KIRREL2: variants seen among roughly 807,000 people sequenced by gnomAD.
KIRREL2 encodes the protein kirre like nephrin family adhesion molecule 2.
Under a neutral mutation model 73.4 loss-of-function variants are expected in KIRREL2, and 56 were observed. The ratio of observed to expected loss-of-function variants is 0.76; its 90% CI spans 0.62 to 0.95. The LOEUF (loss-of-function observed/expected upper bound fraction) is 0.95. Among genes scored for constraint, KIRREL2 ranks in the 40% least tolerant of loss-of-function variants. The probability of loss-of-function intolerance (pLI) is 0.00; values close to 1 mark genes in which losing one functional copy is unlikely to be tolerated. For synonymous variants in KIRREL2, 407 were observed against 404.0 expected, an observed-to-expected ratio of 1.01 and a Z score of -0.09; for missense variants, 896 against 935.0, an observed-to-expected ratio of 0.96 and a Z score of 0.54.
Position 35,861,890 on chromosome 19 carries a change from G to A in KIRREL2, c.1376G>A (p.Gly459Glu). The change falls in exon 11 of 15, where the codon GGG becomes GAG. Residue 459 changes from glycine (G) to glutamate (E), a missense_variant. Gly to Glu is a moderately conservative substitution (Grantham distance 98). Coordinates refer to ENST00000360202, the MANE Select transcript of KIRREL2 (RefSeq NM_199180.4). ...VETFPAPESR[G>E]GLGPGLISVL... is the part of the protein sequence containing the mutation. ...ACATTCCCTGCCCCAGAGAGCCGCG[G>A]GGGACTGGGTCCGGGCCTGATCTCT... The A allele has an allele frequency of 1.2e-6, 2 of 1,602,688 alleles. No individual in the cohort carries two copies. Among genetic ancestry groups the A allele is most frequent in the Non-Finnish European group, 1.7e-6 (2 of 1,175,068 alleles).
In KIRREL2 at chr19:35,860,367, C is replaced by G; in HGVS notation, c.744C>G (p.Cys248Trp). Residue 248 changes from cysteine (C) to tryptophan (W), a missense_variant, in exon 6 of 15, where the codon TGC becomes TGG. Physicochemically the swap from Cys to Trp is radical, Grantham distance 215. Coordinates refer to ENST00000360202, the MANE Select transcript of KIRREL2 (RefSeq NM_199180.4). ...VQEGEKVIFLCQATAQPPVTG... is the reference protein window; with the variant it reads ...VQEGEKVIFLWQATAQPPVTG... ...AGGGAGAGAAGGTCATTTTCCTGTG[C>G]CAGGCCACAGCCCAGCCTCCTGTCA... 3.1e-6 allele frequency: 5 copies of G among 1,613,796 alleles called. No homozygotes were observed. The highest frequency in any genetic ancestry group is 4.2e-6 in the Non-Finnish European group (5 of 1,179,996).
chr19:35,861,231 C>T lies in KIRREL2; in HGVS notation c.1166C>T (p.Ala389Val). ...CTATCGGGCCTGCGGGGCGGCGCCG[C>T]GGAGGCTCGGCTGACTGTGAACGGT... ...AGLSGLRGGA[A>V]EARLTVNAPP... Residue 389 changes from alanine (A) to valine (V), a missense_variant, in exon 9 of 15, where the codon GCG becomes GTG. Coordinates refer to ENST00000360202, the MANE Select transcript of KIRREL2 (RefSeq NM_199180.4). 2 of 1,533,622 alleles carry T rather than the reference C, an allele frequency of 1.3e-6. No homozygotes were observed. Among genetic ancestry groups the T allele is most frequent in the Non-Finnish European group, 1.7e-6 (2 of 1,149,772 alleles).
At chr19:35,856,833 C>T, upstream of KIRREL2, 2 of 508,962 alleles carry the variant, frequency 3.9e-6, no homozygotes, top group Non-Finnish European at 7.0e-6. This position sits in a 1 kb window ranked among gnomAD's most constrained non-coding sequence, Gnocchi z 5.9. Context: ...GCGGGAGTTT[C>T]TCAACGGGAA....
At chr19:35,865,808 T>C (rs1973940597) in intron 14 of KIRREL2, among the ~76,000 whole-genome samples, 1 of 152,210 alleles carries the variant, frequency 6.6e-6, no homozygotes, top group African/African-American at 2.4e-5. Flanking sequence ...GTGACATGCC[T>C]TGTAGCAGCA....
intron 9 of KIRREL2, 100 bp from the exon 10 acceptor site, chr19:35,861,441 A>G (rs773792325): frequency 1.4e-4 from 209 of 1,462,000 alleles, no homozygotes; most frequent in Non-Finnish European, 1.9e-4. Context: ...GGCCTGATTG[A>G]TTGAGGTTAG....
Position 35,861,112 on chromosome 19 carries a change from C to T in KIRREL2, c.1057-10C>T, listed in dbSNP as rs760754937. The T allele has an allele frequency of 6.2e-6, 10 of 1,607,220 alleles. No homozygotes were observed. The highest frequency in any genetic ancestry group is 6.8e-6 in the Non-Finnish European group (8 of 1,177,616). On this transcript the variant is annotated splice_polypyrimidine_tract_variant and intron_variant, in intron 8 of 14. Coordinates refer to ENST00000360202, the MANE Select transcript of KIRREL2 (RefSeq NM_199180.4). ...CAAATCCGGCTTCTGACGCCCCTTC[C>T]CTGTCGCAGGTGCTGGGCTCTGGAG...
chr19:35,859,143 G>T (rs1973556142), intron 4 of KIRREL2, among the ~76,000 whole-genome samples: 1 of 152,192 alleles, frequency 6.6e-6, no homozygotes, highest in Non-Finnish European at 1.5e-5. Context: ...TAGCATGCAT[G>T]TCATAGGGTA....
Position 35,858,820 on chromosome 19 carries a change from T to C in KIRREL2, c.478T>C (p.Trp160Arg). 6.2e-7 allele frequency: 1 copy of C among 1,614,168 alleles called. No homozygotes were observed. The highest frequency in any genetic ancestry group is 8.5e-7 in the Non-Finnish European group (1 of 1,180,032). The part of the protein sequence containing the change: ...GDARPTPELL[W>R]FRDGVLLDGA... Reference sequence around the variant, plus strand: ...TGCCCGCCCTACCCCTGAATTGCTGTGGTTCCGAGATGGGGTCCTGTTGGA... The same window carrying C: ...TGCCCGCCCTACCCCTGAATTGCTGCGGTTCCGAGATGGGGTCCTGTTGGA... The change falls in exon 4 of 15, where the codon TGG becomes CGG. Residue 160 changes from tryptophan to arginine, a missense_variant. Trp to Arg is a moderately radical substitution (Grantham distance 101). Transcript: ENST00000360202.
upstream of KIRREL2, chr19:35,855,772 G>C (rs1973402920): frequency 6.6e-6 from 1 of 152,430 alleles, no homozygotes; most frequent in African/African-American, 2.4e-5. Context: ...CCTGTGTGGG[G>C]GTGGGGAGAG....
chr19:35,862,820 C>A, intron 12 of KIRREL2, 107 bp from the exon 13 acceptor site: 1 of 748,246 alleles, frequency 1.3e-6, no homozygotes, highest in Non-Finnish European at 2.3e-6. Flanking sequence ...TCCAACAGCC[C>A]TACCCAATCA....
Position 35,860,513 on chromosome 19 carries a change from CCTCAGGTGGGCAAAAGGGGG to C in KIRREL2, c.780-2_797del, listed in dbSNP as rs775741549. The C allele has an allele frequency of 6.2e-7, 1 of 1,602,890 alleles. No individual in the cohort carries two copies. The highest frequency in any genetic ancestry group is 8.5e-7 in the Non-Finnish European group (1 of 1,179,766). ...GACAACGTTAACAGCGCCACCATTTCCTCAGGTGGGCAAAAGGGGGCTCTCCGGTGCTCGGGGCCCGCGGG... is the reference window on the plus strand; with the variant it reads ...GACAACGTTAACAGCGCCACCATTTCCTCTCCGGTGCTCGGGGCCCGCGGG... On this transcript the variant is annotated splice_acceptor_variant and splice_polypyrimidine_tract_variant and coding_sequence_variant and intron_variant, in exon 7 of 15. Coordinates refer to ENST00000360202, the MANE Select transcript of KIRREL2 (RefSeq NM_199180.4). LOFTEE classifies it high-confidence loss of function.
rs1309609470 is a variant in KIRREL2 at position 35,859,629 on chromosome 19, AGT to A, written c.673+2_673+3del. 2 of 1,613,566 alleles carry A rather than the reference AGT, an allele frequency of 1.2e-6. No individual in the cohort carries two copies. Among genetic ancestry groups the A allele is most frequent in the South Asian group, 2.2e-5 (2 of 91,068 alleles). On this transcript the variant is annotated frameshift_variant and splice_region_variant, in exon 5 of 15. Coordinates refer to ENST00000360202, the MANE Select transcript of KIRREL2 (RefSeq NM_199180.4). LOFTEE classifies it high-confidence loss of function. ...GACACAGCTATCACACTGAGCCTGC[AGT>A]GTGAGTGCAGCTGGCCCTGGGAAAG...
intron 11 of KIRREL2, 84 bp from the exon 12 acceptor site, chr19:35,862,409 C>T (rs971267649): frequency 1.9e-6 from 2 of 1,038,176 alleles, no homozygotes; most frequent in African/African-American, 1.6e-5. Flanking sequence ...CCTTTTGAAC[C>T]CAGGAATCCC....
Position 35,860,389 on chromosome 19 carries a change from G to A in KIRREL2, c.766G>A (p.Val256Ile), listed in dbSNP as rs1157672613. The change falls in exon 6 of 15, where the codon GTC (valine) becomes ATC (isoleucine). Residue 256 changes from valine (V) to isoleucine (I), a missense_variant. By Grantham distance (29) the Val-to-Ile change is conservative. Coordinates refer to ENST00000360202, the MANE Select transcript of KIRREL2 (RefSeq NM_199180.4). ...GTGCCAGGCCACAGCCCAGCCTCCT[G>A]TCACAGGCTACAGGTGAGGACGAAG... ...FLCQATAQPP[V>I]TGYRWAKGGS... 1 of 1,613,308 alleles carries A rather than the reference G, an allele frequency of 6.2e-7. No homozygotes were observed. Among genetic ancestry groups the A allele is most frequent in the East Asian group, 2.2e-5 (1 of 44,878 alleles).
At chr19:35,851,494 G>T (rs1973260435), upstream of KIRREL2, 1 of 1,613,548 alleles carries the variant, frequency 6.2e-7, no homozygotes, top group Admixed American at 1.7e-5. Context: ...ACCTCGGGAA[G>T]CCTGGGATCC....
intron 4 of KIRREL2, among the ~76,000 whole-genome samples, 185 bp from the exon 5 acceptor site, chr19:35,859,296 C>T (rs550064299): frequency 6.6e-6 from 1 of 152,288 alleles, no homozygotes; most frequent in East Asian, 1.9e-4. Flanking sequence ...ATGTGGCCCA[C>T]CACAAATTCA....
chr19:35,860,583 G>T lies in KIRREL2; in HGVS notation c.844G>T (p.Ala282Ser). The T allele has an allele frequency of 1.2e-6, 2 of 1,603,620 alleles. No individual in the cohort carries two copies. The highest frequency in any genetic ancestry group is 1.7e-6 in the Non-Finnish European group (2 of 1,179,964). The change falls in exon 7 of 15, where the codon GCC becomes TCC. Residue 282 changes from alanine to serine, a missense_variant. Coordinates refer to ENST00000360202, the MANE Select transcript of KIRREL2 (RefSeq NM_199180.4). ...RGPRLEVVADASFLTEPVSCE... is the reference protein window; with the variant it reads ...RGPRLEVVADSSFLTEPVSCE... ...GCCAAGGTTAGAGGTCGTGGCAGAC[G>T]CCTCGTTCCTGACTGAGCCCGTGTC...
At chr19:35,860,847 T>A in intron 7 of KIRREL2, 62 bp from the exon 8 acceptor site, 1 of 1,609,584 alleles carries the variant, frequency 6.2e-7, no homozygotes, top group Non-Finnish European at 8.5e-7. Flanking sequence ...TGGGGCTGGC[T>A]GATCCCAGGT....
At chr19:35,857,218 G>A (rs1293352289) in intron 1 of KIRREL2, 38 bp downstream of exon 1, 5 of 1,572,676 alleles carry the variant, frequency 3.2e-6, no homozygotes, top group East Asian at 2.3e-5. Flanking sequence ...TGGGGTGGGG[G>A]TGGGGAGTTG....
Sources: gnomAD v4.1 joint callset for allele counts (sites outside exome capture counted in the v4.1 genomes callset) on GRCh38, gnomAD v4.1.1 for gene constraint, Gnocchi (gnomAD v3.1) non-coding constraint, MANE v1.5 for transcripts, NCBI Gene and HGNC (gene_info 2026-07-23, HGNC 2026-07-21) for gene names.